TSTD2: variants seen among roughly 807,000 people sequenced by gnomAD.
The protein encoded by TSTD2 is thiosulfate sulfurtransferase/rhodanese-like domain-containing protein 2.
Under a neutral mutation model 47.9 loss-of-function variants are expected in TSTD2, and 37 were observed. The observed-to-expected ratio is 0.77, with a 90% CI of 0.59 to 1.02. The LOEUF is 1.02. Among genes scored for constraint, TSTD2 ranks in the 50% least tolerant of loss-of-function variants. TSTD2 has a pLI of 0.00. For synonymous variants in TSTD2, 201 were observed against 215.9 expected (o/e 0.93, Z 0.61); for missense variants, 586 against 616.0 (o/e 0.95, Z 0.52).
chr9:97,613,073 G>C (rs954585371), intron 4 of TSTD2, among the ~76,000 whole-genome samples: 1 of 152,230 alleles, frequency 6.6e-6, no homozygotes, highest in Admixed American at 6.5e-5. Flanking sequence ...CTAGGCTCAA[G>C]ATTAAGCTCT....
At chr9:97,626,048 G>A (rs752562369) in intron 2 of TSTD2, 51 bp from the exon 3 acceptor site, 2 of 1,501,526 alleles carry the variant, frequency 1.3e-6, no homozygotes, top group South Asian at 1.3e-5. Flanking sequence ...TAGGTTTATG[G>A]CTAATAGAAG....
chr9:97,605,656 C>A lies in TSTD2; in HGVS notation c.955-15G>T, dbSNP rs760993427. 8.7e-6 allele frequency: 14 copies of A among 1,613,936 alleles called. No individual in the cohort carries two copies. The Admixed American group carries it at 2.3e-4, about 27-fold the overall frequency. Reference sequence around the variant, plus strand: ...TGGAATCGTCCCTGTAACATAGGAGCAACAAAAGGAAAATTATCAGAAAAA... The same window carrying A: ...TGGAATCGTCCCTGTAACATAGGAGAAACAAAAGGAAAATTATCAGAAAAA... On this transcript the variant is annotated splice_polypyrimidine_tract_variant and intron_variant, in intron 7 of 9. Transcript: ENST00000341170.
Position 97,600,984 on chromosome 9 carries a change from G to T in TSTD2, c.*1485C>A. ...ATCTCATGATAAAGGACAAGGTCAAGAACTCCAGAGCACTGAGCAGAGAGG... is the reference window on the plus strand; with the variant it reads ...ATCTCATGATAAAGGACAAGGTCAATAACTCCAGAGCACTGAGCAGAGAGG... On this transcript the variant is annotated 3_prime_UTR_variant, in exon 10 of 10. Coordinates refer to ENST00000341170, the MANE Select transcript of TSTD2 (RefSeq NM_139246.5). 8.3e-7 allele frequency: 1 copy of T among 1,210,482 alleles called. No homozygotes were observed. Among genetic ancestry groups the T allele is most frequent in the Non-Finnish European group, 1.1e-6 (1 of 940,104 alleles). 75.0% of individuals were successfully genotyped at this position (1,210,482 alleles called of 1,614,324 possible).
In TSTD2 at chr9:97,626,058, G is replaced by A. The variant is rs531339686; in HGVS notation, c.166-61C>T. The A allele has an allele frequency of 4.8e-5, 70 of 1,461,534 alleles. No homozygotes were observed. In the African/African-American group the frequency reaches 9.3e-4, roughly 19 times the overall value. 90.5% of individuals were successfully genotyped at this position (1,461,534 alleles called of 1,614,324 possible). A position where few individuals can be genotyped will look rare whatever the true frequency, so the allele number is the denominator to read the frequency against. On this transcript the variant is annotated intron_variant, in intron 2 of 9. Transcript: ENST00000341170. ...AACCTTAGGTTTATGGCTAATAGAA[G>A]TCTCACTAAGATTCTTTAGATTATC...
chr9:97,626,475 A>T (rs1484387193), intron 2 of TSTD2, among the ~76,000 whole-genome samples: 2 of 152,248 alleles, frequency 1.3e-5, no homozygotes, highest in African/African-American at 2.4e-5. Flanking sequence ...TCTTAACCAC[A>T]TTAAAAAGTA....
At position 97,601,691 on chromosome 9, in the gene TSTD2, T is replaced by C. The variant is rs1205470740; in HGVS notation, c.*778A>G. ...AACTATTCAACTCTGCCATAGATCA[T>C]GTGTAAAGGAATGGGTGTGGCTGTT... is the stretch of plus-strand genomic sequence containing the variant. On this transcript the variant is annotated 3_prime_UTR_variant, in exon 10 of 10. Coordinates refer to ENST00000341170, the MANE Select transcript of TSTD2 (RefSeq NM_139246.5). 3 of 546,754 alleles carry C rather than the reference T, an allele frequency of 5.5e-6. No individual in the cohort carries two copies. In the East Asian group the frequency reaches 4.4e-4, roughly 80 times the overall value. 33.9% of individuals were successfully genotyped at this position (546,754 alleles called of 1,614,324 possible). A position where few individuals can be genotyped will look rare whatever the true frequency, so the allele number is the denominator to read the frequency against.
At chr9:97,625,551 C>T in intron 3 of TSTD2, 130 bp downstream of exon 3, 1 of 878,930 alleles carries the variant, frequency 1.1e-6, no homozygotes, top group Non-Finnish European at 1.7e-6. Context: ...CCAGTTGTTC[C>T]ACATCCTCAT....
At chr9:97,626,119 G>T in intron 2 of TSTD2, 122 bp from the exon 3 acceptor site, 1 of 932,996 alleles carries the variant, frequency 1.1e-6, no homozygotes. Context: ...GTTCCATTAT[G>T]TTATACAATT....
chr9:97,601,635 C>T lies in TSTD2; in HGVS notation c.*834G>A. 3.1e-6 allele frequency: 3 copies of T among 977,140 alleles called. No individual in the cohort carries two copies. Among genetic ancestry groups the T allele is most frequent in the South Asian group, 9.4e-5 (2 of 21,234 alleles). 60.5% of individuals were successfully genotyped at this position (977,140 alleles called of 1,614,324 possible). On this transcript the variant is annotated 3_prime_UTR_variant, in exon 10 of 10. Coordinates refer to ENST00000341170, the MANE Select transcript of TSTD2 (RefSeq NM_139246.5). ...GTAAAAGGCCAGACAGTAAAAATTT[C>T]CGATTTTGCAGGCCACATAGTGTCT...
intron 4 of TSTD2, among the ~76,000 whole-genome samples, chr9:97,612,093 A>G (rs908831209): frequency 2.6e-5 from 4 of 152,168 alleles, no homozygotes; most frequent in African/African-American, 7.2e-5. Flanking sequence ...GCTCCCACTT[A>G]TAAGTGAAAA....
At chr9:97,602,817 C>T (rs368160980) in intron 9 of TSTD2, 50 bp from the exon 10 acceptor site, 37 of 1,530,936 alleles carry the variant, frequency 2.4e-5, no homozygotes, top group Middle Eastern at 3.5e-4. Context: ...TTCACACACA[C>T]GTGGACAGGC....
At position 97,611,573 on chromosome 9, in the gene TSTD2, C is replaced by A. The variant is rs1187629664; in HGVS notation, c.729+1G>T. 1 of 1,584,056 alleles carries A rather than the reference C, an allele frequency of 6.3e-7. No homozygotes were observed. The highest frequency in any genetic ancestry group is 8.7e-7 in the Non-Finnish European group (1 of 1,155,364). ...TCCATTTAATTTTCATTTTCTCTTA[C>A]CTTAAAATCATCTTTACACAGGTCA... On this transcript the variant is annotated splice_donor_variant, in intron 5 of 9. Transcript: ENST00000341170. LOFTEE classifies it high-confidence loss of function.
At chr9:97,632,447 C>T (rs1224020347) in intron 1 of TSTD2, among the ~76,000 whole-genome samples, 1 of 152,066 alleles carries the variant, frequency 6.6e-6, no homozygotes, top group African/African-American at 2.4e-5. Context: ...TCACCGCTCA[C>T]TGCATTCTCG....
At position 97,617,463 on chromosome 9, in the gene TSTD2, A is replaced by G. The variant is rs566983938; in HGVS notation, c.603+294T>C. On this transcript the variant is annotated intron_variant, in intron 4 of 9. Transcript: ENST00000341170. Reference sequence around the variant, plus strand: ...ATCCAATTCTTTTACATTATTATCTATAGTTGCTCTCATGCTATAACAAAA... The same window carrying G: ...ATCCAATTCTTTTACATTATTATCTGTAGTTGCTCTCATGCTATAACAAAA... Among the ~76,000 whole-genome samples the G allele has an allele frequency of 3.3e-5, 5 of 152,366 alleles. No homozygotes were observed. In the South Asian group the frequency reaches 8.3e-4, roughly 25 times the overall value.
At position 97,617,878 on chromosome 9, in the gene TSTD2, C is replaced by T. The variant is rs1309089682; in HGVS notation, c.483-1G>A. 15 of 1,604,306 alleles carry T rather than the reference C, an allele frequency of 9.3e-6. No individual in the cohort carries two copies. The highest frequency in any genetic ancestry group is 1.3e-5 in the Non-Finnish European group (15 of 1,177,122). ...CTCCCCTTCTTCACTGCCCTGGCCA[C>T]TATAAAATGAAAATCCAAGGCAAAG... On this transcript the variant is annotated splice_acceptor_variant, in intron 3 of 9. Transcript: ENST00000341170. LOFTEE classifies it high-confidence loss of function.
At position 97,601,740 on chromosome 9, in the gene TSTD2, T is replaced by TG; in HGVS notation, c.*728dup. On this transcript the variant is annotated 3_prime_UTR_variant, in exon 10 of 10. Transcript: ENST00000341170. ...TTCAATAAACTATACAGTTGACCCT[T>TG]GAACAATATGGGTTTGAACTGCATG... 1 of 236,618 alleles carries TG rather than the reference T, an allele frequency of 4.2e-6. No individual in the cohort carries two copies. The highest frequency in any genetic ancestry group is 6.9e-6 in the Non-Finnish European group (1 of 145,214). The allele number at this position is 236,618 out of a possible 1,614,324, so 14.7% of individuals were successfully genotyped here.
chr9:97,617,472 C>A (rs889561270), intron 4 of TSTD2, among the ~76,000 whole-genome samples: 1 of 152,182 alleles, frequency 6.6e-6, no homozygotes, highest in Non-Finnish European at 1.5e-5. Flanking sequence ...TATAGTTGCT[C>A]TCATGCTATA....
At chr9:97,613,986 G>A (rs532617113) in intron 4 of TSTD2, among the ~76,000 whole-genome samples, 35 of 151,818 alleles carry the variant, frequency 2.3e-4, no homozygotes, top group Non-Finnish European at 4.0e-4. Context: ...CCGCCACCAC[G>A]CCCGGCTAAT....
In TSTD2 at chr9:97,602,627, T is replaced by C. The variant is rs748293877; in HGVS notation, c.1393A>G (p.Arg465Gly). 16 of 1,614,122 alleles carry C rather than the reference T, an allele frequency of 9.9e-6. No homozygotes were observed. Among genetic ancestry groups the C allele is most frequent in the Non-Finnish European group, 1.3e-5 (15 of 1,180,056 alleles). ...TCTTGCATAGGGCCTGAAACTTTCC[T>C]GCTCCCCTTGTCTTGACATGTGACA... ...CCVTCQDKGS[R>G]KVSGPMQDSF... Residue 465 changes from arginine to glycine, a missense_variant, in exon 10 of 10, where the codon AGG (arginine) becomes GGG (glycine). Physicochemically the swap from Arg to Gly is moderately radical, Grantham distance 125. Transcript: ENST00000341170.
Sources: allele counts gnomAD v4.1 joint callset (sites outside exome capture counted in the v4.1 genomes callset), GRCh38; gene constraint gnomAD v4.1.1; transcripts MANE v1.5; gene names NCBI Gene and HGNC (gene_info 2026-07-23, HGNC 2026-07-21).